MCPH1: variants seen among roughly 807,000 people sequenced by gnomAD.
MCPH1 encodes the protein microcephalin 1.
Under a neutral mutation model 84.5 loss-of-function variants are expected in MCPH1, and 104 were observed. The observed-to-expected ratio is 1.23, with a 90% CI of 1.05 to 1.45. The LOEUF is 1.45. Among genes scored for constraint, MCPH1 ranks in the 40% most tolerant of loss-of-function variants. The pLI is 0.00. For missense variants in MCPH1, 1,498 were observed against 1,005.7 expected (o/e 1.49, Z -6.62); for synonymous variants, 514 against 366.8 (o/e 1.40, Z -4.58).
chr8:6,433,008 C>G (rs1323611968), intron 4 of MCPH1, among the ~76,000 whole-genome samples: 1 of 152,180 alleles, frequency 6.6e-6, no homozygotes, highest in Non-Finnish European at 1.5e-5. Flanking sequence ...CACACATGTA[C>G]ACACTCACAC....
At chr8:6,470,033 GT>G (rs1356695720) in intron 9 of MCPH1, among the ~76,000 whole-genome samples, 1 of 151,962 alleles carries the variant, frequency 6.6e-6, no homozygotes, top group Admixed American at 6.5e-5. Flanking sequence ...AATCCTGCAT[GT>G]TTTTTTCTCA....
chr8:6,445,003 G>A lies in MCPH1; in HGVS notation c.1281G>A (p.Glu427=). ...SPDNLKERYS[E]NLPPESQLPS... ...ATAATCTTAAGGAAAGGTATTCAGA[G>A]AATCTTCCTCCTGAATCTCAGCTGC... Residue 427 remains glutamate (E), a synonymous_variant, in exon 8 of 14, where the codon GAG becomes GAA. Coordinates refer to ENST00000344683, the MANE Select transcript of MCPH1 (RefSeq NM_024596.5). 2 of 1,614,200 alleles carry A rather than the reference G, an allele frequency of 1.2e-6. No individual in the cohort carries two copies. The highest frequency in any genetic ancestry group is 1.7e-6 in the Non-Finnish European group (2 of 1,180,038).
intron 12 of MCPH1, among the ~76,000 whole-genome samples, chr8:6,550,193 C>T (rs939646855): frequency 3.9e-5 from 6 of 152,260 alleles, no homozygotes; most frequent in East Asian, 1.9e-4. Context: ...TCGGCTCCAT[C>T]TCCAGATGTT....
chr8:6,632,350 C>T (rs931324846), intron 13 of MCPH1, among the ~76,000 whole-genome samples: 18 of 152,168 alleles, frequency 1.2e-4, no homozygotes, highest in African/African-American at 4.3e-4. Flanking sequence ...TATGTTATGT[C>T]TATCAAACTT....
intron 12 of MCPH1, among the ~76,000 whole-genome samples, chr8:6,600,570 G>A (rs1303890468): frequency 6.6e-6 from 1 of 152,256 alleles, no homozygotes; most frequent in Non-Finnish European, 1.5e-5. Flanking sequence ...CGTTAGGCTT[G>A]TGACATCACA....
chr8:6,505,593 A>G (rs1211914791), intron 12 of MCPH1, among the ~76,000 whole-genome samples: 1 of 125,404 alleles, frequency 8.0e-6, no homozygotes, highest in Non-Finnish European at 1.6e-5. Flanking sequence ...CTTTTTGTAT[A>G]TATGGAATAT....
At chr8:6,574,253 G>C (rs772844575) in intron 12 of MCPH1, among the ~76,000 whole-genome samples, 23 of 152,148 alleles carry the variant, frequency 1.5e-4, no homozygotes, top group Non-Finnish European at 2.6e-4. Context: ...GGCATCAGCA[G>C]GGCCATGCTC....
chr8:6,495,170 T>G (rs1295092708), intron 11 of MCPH1, among the ~76,000 whole-genome samples: 1 of 152,210 alleles, frequency 6.6e-6, no homozygotes, highest in East Asian at 1.9e-4. Flanking sequence ...ACCCTATTAT[T>G]TTGTTGTTAA....
chr8:6,470,150 G>A (rs2979654), intron 9 of MCPH1, among the ~76,000 whole-genome samples: 20,591 of 152,136 alleles, frequency 0.14, 2,720 homozygotes, highest in African/African-American at 0.33. Context: ...GTGTCTAGAC[G>A]AATGGAAGAG....
chr8:6,461,277 T>G (rs1025395595), intron 9 of MCPH1, among the ~76,000 whole-genome samples: 16 of 88,526 alleles, frequency 1.8e-4, no homozygotes, highest in Admixed American at 6.8e-4. Flanking sequence ...AAAGAGTCTG[T>G]TTTTTTTTAG....
At chr8:6,623,785 A>G (rs1258643025) in intron 13 of MCPH1, among the ~76,000 whole-genome samples, 1 of 151,658 alleles carries the variant, frequency 6.6e-6, no homozygotes, top group Admixed American at 6.6e-5. Flanking sequence ...CCAAGAATAT[A>G]ACCTTCAAAA....
intron 12 of MCPH1, among the ~76,000 whole-genome samples, chr8:6,558,852 T>C (rs1018322431): frequency 2.0e-5 from 3 of 152,124 alleles, no homozygotes; most frequent in African/African-American, 7.2e-5. Flanking sequence ...AGTAAACATG[T>C]ATTATATTTT....
intron 8 of MCPH1, 143 bp from the exon 9 acceptor site, chr8:6,455,000 C>A (rs569301641): frequency 1.5e-6 from 1 of 675,134 alleles, no homozygotes; most frequent in East Asian, 2.6e-5. Flanking sequence ...CTAGATAGAT[C>A]TCAAAGAGCC....
intron 9 of MCPH1, among the ~76,000 whole-genome samples, chr8:6,463,180 T>G (rs1226975109): frequency 6.6e-6 from 1 of 152,156 alleles, no homozygotes; most frequent in African/African-American, 2.4e-5. Context: ...GGGGGTGAGA[T>G]GTAGGCCATT....
chr8:6,547,360 C>T (rs1822793281), intron 12 of MCPH1, among the ~76,000 whole-genome samples: 2 of 152,070 alleles, frequency 1.3e-5, no homozygotes, highest in African/African-American at 4.8e-5. Context: ...CTCTCTTTAA[C>T]CCTCTTGCCT....
intron 2 of MCPH1, among the ~76,000 whole-genome samples, chr8:6,410,196 A>T (rs1442539922): frequency 6.6e-6 from 1 of 151,560 alleles, no homozygotes; most frequent in East Asian, 1.9e-4. Context: ...GGATGGTCTC[A>T]ATCTCCTGAT....
rs1427447087 is a variant in MCPH1 at position 6,601,696 on chromosome 8, CACACACA to C, written c.2215-19750_2215-19744del. Among the ~76,000 whole-genome samples, 4 of 146,712 alleles carry C rather than the reference CACACACA, an allele frequency of 2.7e-5. 1 individual carries two copies. Among genetic ancestry groups the C allele is most frequent in the African/African-American group, 1.1e-4 (4 of 36,872 alleles). Reference sequence around the variant, plus strand: ...ACATGCCACTACACACAGTGCATACCACACACAACACACACCACACACACACACCCAA... The same window carrying C: ...ACATGCCACTACACACAGTGCATACCACACACACCACACACACACACCCAA... On this transcript the variant is annotated intron_variant, in intron 12 of 13. Coordinates refer to ENST00000344683, the MANE Select transcript of MCPH1 (RefSeq NM_024596.5).
At position 6,503,081 on chromosome 8, in the gene MCPH1, C is replaced by T. The variant is rs754213622; in HGVS notation, c.2214+3152C>T. ...TCTTTGAAAATAGTTCGAGACAGTT[C>T]CTCAGGTGGACTGGGATGTTTAGAA... On this transcript the variant is annotated intron_variant, in intron 12 of 13. Coordinates refer to ENST00000344683, the MANE Select transcript of MCPH1 (RefSeq NM_024596.5). The T allele has an allele frequency of 9.9e-6, 16 of 1,613,760 alleles. No homozygotes were observed. The East Asian group carries it at 1.8e-4, about 18-fold the overall frequency.
At chr8:6,563,652 G>A (rs1161163385) in intron 12 of MCPH1, among the ~76,000 whole-genome samples, 1 of 152,186 alleles carries the variant, frequency 6.6e-6, no homozygotes, top group Non-Finnish European at 1.5e-5. Context: ...CAGGACTTCG[G>A]TTTATTTTTG....
Sources: allele counts gnomAD v4.1 joint callset (sites outside exome capture counted in the v4.1 genomes callset), GRCh38; gene constraint gnomAD v4.1.1; transcripts MANE v1.5; gene names NCBI Gene and HGNC (gene_info 2026-07-23, HGNC 2026-07-21).